Variants in EMP1 observed in about 807,000 individuals in gnomAD.
EMP1 encodes epithelial membrane protein 1, also known as tumor-associated membrane protein.
In EMP1, 5 loss-of-function variants were observed where a neutral mutation model predicts 15.7. That is an observed-to-expected ratio of 0.32 (90% CI 0.17 to 0.67). The LOEUF (loss-of-function observed/expected upper bound fraction) is 0.67, where lower values mean the gene tolerates loss of function less well. Among genes scored for constraint, EMP1 ranks in the 30% least tolerant of loss-of-function variants. The probability of loss-of-function intolerance (pLI) is 0.74; values close to 1 mark genes in which losing one functional copy is unlikely to be tolerated. For missense variants in EMP1, 166 were observed against 194.2 expected (o/e 0.85, Z 0.86); for synonymous variants, 78 against 76.7 (o/e 1.02, Z -0.09).
Position 13,216,729 on chromosome 12 carries a change from A to G in EMP1, c.*2038A>G, listed in dbSNP as rs1864219384. ...TATAATTGTAAATATTTTGATACAA[A>G]TGTTTATAACTCTAGGGATATAAAA... On this transcript the variant is annotated 3_prime_UTR_variant, in exon 5 of 5. Transcript: ENST00000256951. The G allele has an allele frequency of 2.8e-6, 1 of 363,472 alleles. No homozygotes were observed. Among genetic ancestry groups the G allele is most frequent in the Admixed American group, 4.3e-5 (1 of 23,132 alleles). 22.5% of individuals were successfully genotyped at this position (363,472 alleles called of 1,614,324 possible). A position where few individuals can be genotyped will look rare whatever the true frequency, so the allele number is the denominator to read the frequency against.
rs1453075672 is a variant in EMP1 at position 13,217,772 on chromosome 12, A to T, written c.*3081A>T. On this transcript the variant is annotated 3_prime_UTR_variant, in exon 5 of 5. Coordinates refer to ENST00000256951, the MANE Select transcript of EMP1 (RefSeq NM_001423.3). ...GGGGGTGCATTAGTCAGAATTCTCC[A>T]GAGAAACAGAAAAAATAAGATTCGC... is the stretch of plus-strand genomic sequence containing the variant. 6.6e-6 allele frequency: 1 copy of T among 152,050 alleles called. No homozygotes were observed. The highest frequency in any genetic ancestry group is 1.5e-5 in the Non-Finnish European group (1 of 68,046). 9.4% of individuals were successfully genotyped at this position (152,050 alleles called of 1,614,324 possible).
At chr12:13,210,577 A>G (rs1421027335) in intron 1 of EMP1, among the ~76,000 whole-genome samples, 3 of 152,176 alleles carry the variant, frequency 2.0e-5, no homozygotes, top group African/African-American at 4.8e-5. Context: ...CCACCCTGTG[A>G]TTTATGCATT....
At chr12:13,198,861 T>A (rs1241640816) in intron 1 of EMP1, among the ~76,000 whole-genome samples, 1 of 152,230 alleles carries the variant, frequency 6.6e-6, no homozygotes, top group African/African-American at 2.4e-5. Context: ...CTGCTCTTCC[T>A]CCAAGAAGTA....
At chr12:13,198,281 CG>C (rs1458699823) in intron 1 of EMP1, among the ~76,000 whole-genome samples, 1 of 150,526 alleles carries the variant, frequency 6.6e-6, no homozygotes, top group East Asian at 1.9e-4. Flanking sequence ...TTCTTTTTTT[CG>C]GTTAGCATTT....
intron 2 of EMP1, among the ~76,000 whole-genome samples, chr12:13,213,023 G>C (rs1298443871): frequency 6.6e-6 from 1 of 152,160 alleles, no homozygotes; most frequent in African/African-American, 2.4e-5. Context: ...TTTCCCAGTA[G>C]GTCTTATGTT....
At chr12:13,199,003 A>C (rs1296417092) in intron 1 of EMP1, among the ~76,000 whole-genome samples, 2 of 142,744 alleles carry the variant, frequency 1.4e-5, no homozygotes, top group South Asian at 2.4e-4. Flanking sequence ...TTCCACCCAG[A>C]CTCCGAAGAA....
intron 1 of EMP1, among the ~76,000 whole-genome samples, chr12:13,204,621 G>A (rs1864094818): frequency 6.6e-6 from 1 of 152,200 alleles, no homozygotes; most frequent in African/African-American, 2.4e-5. Flanking sequence ...CGGAGTTTCA[G>A]GTGTCACGCT....
chr12:13,214,379 A>G (rs1347243031), intron 4 of EMP1, 155 bp from the exon 5 acceptor site: 5 of 1,027,678 alleles, frequency 4.9e-6, no homozygotes, highest in Non-Finnish European at 7.0e-6. Context: ...AGCTTGGCCC[A>G]GGGGACATCC....
chr12:13,198,256 C>T (rs1227066861), intron 1 of EMP1, among the ~76,000 whole-genome samples: 1 of 151,924 alleles, frequency 6.6e-6, no homozygotes, highest in Non-Finnish European at 1.5e-5. Flanking sequence ...GGTGCTTTTT[C>T]TTTTTTTTCT....
rs1398289553 is a variant in EMP1, at chr12:13,215,178, G to A, written c.*487G>A. ...AAAACATCACATTCCAGTCTGAAGT[G>A]CCTACTGGGGGGCTTTGGCCTGTGA... On this transcript the variant is annotated 3_prime_UTR_variant, in exon 5 of 5. Coordinates refer to ENST00000256951, the MANE Select transcript of EMP1 (RefSeq NM_001423.3). The A allele has an allele frequency of 6.4e-6, 1 of 156,340 alleles. No individual in the cohort carries two copies. The highest frequency in any genetic ancestry group is 2.4e-5 in the African/African-American group (1 of 41,510). The allele number at this position is 156,340 out of a possible 1,614,324, so 9.7% of individuals were successfully genotyped here.
intron 1 of EMP1, among the ~76,000 whole-genome samples, chr12:13,205,159 T>G (rs190250757): frequency 4.7e-4 from 71 of 152,372 alleles, no homozygotes; most frequent in African/African-American, 1.6e-3. Context: ...GATGACTTTC[T>G]TGAATTGAAA....
chr12:13,205,580 G>A (rs1864104457), intron 1 of EMP1, among the ~76,000 whole-genome samples: 1 of 152,056 alleles, frequency 6.6e-6, no homozygotes, highest in Non-Finnish European at 1.5e-5. Context: ...TTTTTCCATG[G>A]GGAAGAAAAT....
At chr12:13,209,379 G>C (rs1864144216) in intron 1 of EMP1, 1 of 152,060 alleles carries the variant, frequency 6.6e-6, no homozygotes, top group Non-Finnish European at 1.5e-5. Flanking sequence ...AAGGGGCAAG[G>C]GTTAGACAAA....
Position 13,211,322 on chromosome 12 carries a change from G to T in EMP1, c.-42-147G>T. On this transcript the variant is annotated intron_variant, in intron 1 of 4. Transcript: ENST00000256951. The surrounding 1 kb of genome is among the most constrained non-coding windows in gnomAD (Gnocchi z 4.7). ...AGGCAAATCAGAACTAGGTTACAGG[G>T]GTGTTTTCAGGAATTTATGATTAGA... 1 of 642,050 alleles carries T rather than the reference G, an allele frequency of 1.6e-6. No homozygotes were observed. Among genetic ancestry groups the T allele is most frequent in the South Asian group, 1.9e-5 (1 of 53,638 alleles). 39.8% of individuals were successfully genotyped at this position (642,050 alleles called of 1,614,324 possible). A position where few individuals can be genotyped will look rare whatever the true frequency, so the allele number is the denominator to read the frequency against.
intron 1 of EMP1, among the ~76,000 whole-genome samples, chr12:13,207,734 G>A (rs1490813545): frequency 6.6e-6 from 1 of 152,174 alleles, no homozygotes; most frequent in African/African-American, 2.4e-5. Flanking sequence ...GGTAGATGAG[G>A]CTTAAGAAGG....
intron 1 of EMP1, among the ~76,000 whole-genome samples, chr12:13,202,358 C>G (rs990479747): frequency 2.0e-5 from 3 of 152,206 alleles, no homozygotes; most frequent in Non-Finnish European, 4.4e-5. Context: ...CAATGTTTCT[C>G]CTCTTCCAGG....
intron 1 of EMP1, chr12:13,209,366 C>T (rs906239533): frequency 1.3e-5 from 2 of 152,070 alleles, no homozygotes; most frequent in African/African-American, 2.4e-5. Context: ...GGTCTCCCCC[C>T]TTAAGGGGCA....
Position 13,214,719 on chromosome 12 carries a change from G to A in EMP1, c.*28G>A, listed in dbSNP as rs768605582. ...CCGGACGAGTTCATGGGGATCTGGGGGGTGGGGAGGAGGAAGCCGTTGAAT... is the reference window on the plus strand; with the variant it reads ...CCGGACGAGTTCATGGGGATCTGGGAGGTGGGGAGGAGGAAGCCGTTGAAT... On this transcript the variant is annotated 3_prime_UTR_variant, in exon 5 of 5. Coordinates refer to ENST00000256951, the MANE Select transcript of EMP1 (RefSeq NM_001423.3). 75 of 1,604,260 alleles carry A rather than the reference G, an allele frequency of 4.7e-5. No individual in the cohort carries two copies. The highest frequency in any genetic ancestry group is 5.1e-6 in the Non-Finnish European group (6 of 1,175,196).
chr12:13,213,596 C>T, intron 3 of EMP1, 21 bp downstream of exon 3: 4 of 1,613,992 alleles, frequency 2.5e-6, no homozygotes, highest in Non-Finnish European at 3.4e-6. Context: ...AGATATTGAC[C>T]CAGTGCTGAC....
Sources: gnomAD v4.1 joint callset for allele counts (sites outside exome capture counted in the v4.1 genomes callset) on GRCh38, gnomAD v4.1.1 for gene constraint, Gnocchi (gnomAD v3.1) non-coding constraint, MANE v1.5 for transcripts, NCBI Gene and HGNC (gene_info 2026-07-23, HGNC 2026-07-21) for gene names.